The following OPN3 variants were observed in gnomAD, a reference collection of about 807,000 sequenced individuals.
The protein encoded by OPN3 is opsin 3.
OPN3 carries 29 observed loss-of-function variants against 33.8 expected under a neutral mutation model. The observed-to-expected ratio is 0.86, with a 90% confidence interval of 0.64 to 1.17. OPN3 has a LOEUF of 1.17. OPN3 is among the 50% of genes most tolerant of loss of function. OPN3 has a pLI of 0.00. For synonymous variants in OPN3, 216 were observed against 216.1 expected (o/e 1.00, Z 0.00); for missense variants, 437 against 514.1 (o/e 0.85, Z 1.45).
chr1:241,635,279 G>T, intron 1 of OPN3: 2 of 1,613,728 alleles, frequency 1.2e-6, no homozygotes, highest in Non-Finnish European at 8.5e-7. Flanking sequence ...TGAAATCTCT[G>T]TATCACTTTT....
At chr1:241,639,836 G>A (rs1482148388) in intron 1 of OPN3, 46 bp downstream of exon 1, 7 of 1,440,872 alleles carry the variant, frequency 4.9e-6, no homozygotes, top group Non-Finnish European at 6.4e-6. Flanking sequence ...GGGGTGGGGA[G>A]TGGAAGTTTG....
intron 1 of OPN3, chr1:241,633,377 G>T: frequency 6.1e-6 from 1 of 164,942 alleles, no homozygotes. Context: ...TTCACTATTC[G>T]AACAGGCCGC....
At chr1:241,608,534 T>C (rs1178819657) in intron 1 of OPN3, among the ~76,000 whole-genome samples, 1 of 152,104 alleles carries the variant, frequency 6.6e-6, no homozygotes, top group Non-Finnish European at 1.5e-5. Flanking sequence ...ATGTGAGGCA[T>C]GGTGGGAAGG....
At position 241,634,209 on chromosome 1, in the gene OPN3, C is replaced by T. The variant is rs1664774087; in HGVS notation, c.373+5673G>A. On this transcript the variant is annotated intron_variant, in intron 1 of 3. Transcript: ENST00000366554. ...TTCTTCACCACTGATTCTAAGTCTT[C>T]TCTTGCTGTTTTAGAAGATGAACAT... is the stretch of plus-strand genomic sequence containing the variant. 5 of 1,613,994 alleles carry T rather than the reference C, an allele frequency of 3.1e-6. No individual in the cohort carries two copies. In the East Asian group the frequency reaches 8.9e-5, roughly 29 times the overall value.
chr1:241,598,340 A>C (rs949517889), intron 2 of OPN3, among the ~76,000 whole-genome samples: 28 of 152,292 alleles, frequency 1.8e-4, no homozygotes, highest in African/African-American at 6.7e-4. Context: ...GAGTCACGAT[A>C]AAATGCAAAG....
Position 241,594,717 on chromosome 1 carries a change from ATAT to A in OPN3, c.946-29_946-27del, listed in dbSNP as rs764230322. ...CTGGGCAGAGAAAAAATAAAGTGGA[ATAT>A]TAAGTAAAAGTTGGGCACTAATCTG... On this transcript the variant is annotated intron_variant, in intron 3 of 3. Coordinates refer to ENST00000366554, the MANE Select transcript of OPN3 (RefSeq NM_014322.3). 6 of 1,601,790 alleles carry A rather than the reference ATAT, an allele frequency of 3.7e-6. No homozygotes were observed. The South Asian group carries it at 4.5e-5, about 12-fold the overall frequency.
rs1231017343 is a variant in OPN3, at chr1:241,612,336, A to T, written c.374-7757T>A. ...TCTCAAATTAATGAAAATTTTGCTC[A>T]CTCAAAAATATATCAATTTGTAGAA... is the stretch of plus-strand genomic sequence containing the variant. On this transcript the variant is annotated intron_variant, in intron 1 of 3. Coordinates refer to ENST00000366554, the MANE Select transcript of OPN3 (RefSeq NM_014322.3). Among the ~76,000 whole-genome samples the T allele has an allele frequency of 2.6e-5, 4 of 152,230 alleles. No individual in the cohort carries two copies. The East Asian group carries it at 7.7e-4, about 29-fold the overall frequency.
intron 1 of OPN3, among the ~76,000 whole-genome samples, chr1:241,626,013 T>G (rs1664411124): frequency 6.6e-6 from 1 of 152,204 alleles, no homozygotes; most frequent in Non-Finnish European, 1.5e-5. Flanking sequence ...AATCACTGCC[T>G]TAATGGGAGA....
intron 1 of OPN3, chr1:241,634,617 C>T (rs1349935931): frequency 1.2e-6 from 2 of 1,613,928 alleles, no homozygotes; most frequent in South Asian, 1.1e-5. Flanking sequence ...TGGGGAATTT[C>T]TCCTTGGCCA....
chr1:241,622,627 T>C (rs994793338), intron 1 of OPN3, among the ~76,000 whole-genome samples: 1 of 152,200 alleles, frequency 6.6e-6, no homozygotes, highest in Non-Finnish European at 1.5e-5. Context: ...TTTAAAACCA[T>C]TGTTCTAGAA....
At position 241,635,365 on chromosome 1, in the gene OPN3, A is replaced by C. The variant is rs1025162960; in HGVS notation, c.373+4517T>G. 5.0e-6 allele frequency: 8 copies of C among 1,613,970 alleles called. No individual in the cohort carries two copies. In the African/African-American group the frequency reaches 1.1e-4, roughly 22 times the overall value. On this transcript the variant is annotated intron_variant, in intron 1 of 3. Transcript: ENST00000366554. ...TTTCTTCAGGTAATGCAGAATCCAGAACTTCAGTGAAGGTATTAGACACCC... is the reference window on the plus strand; with the variant it reads ...TTTCTTCAGGTAATGCAGAATCCAGCACTTCAGTGAAGGTATTAGACACCC...
At chr1:241,619,897 T>C (rs1209620186) in intron 1 of OPN3, among the ~76,000 whole-genome samples, 1 of 152,220 alleles carries the variant, frequency 6.6e-6, no homozygotes, top group East Asian at 1.9e-4. Context: ...CTCTAACGTA[T>C]AGGGCCCTGA....
intron 1 of OPN3, 130 bp downstream of exon 1, chr1:241,639,752 T>C: frequency 1.1e-6 from 1 of 875,842 alleles, no homozygotes; most frequent in Non-Finnish European, 1.5e-6. Context: ...CGGGGCGGTG[T>C]AGGGCGGGGG....
intron 1 of OPN3, among the ~76,000 whole-genome samples, chr1:241,611,951 G>A (rs558871563): frequency 1.6e-3 from 239 of 152,298 alleles, no homozygotes; most frequent in Non-Finnish European, 1.9e-3. Context: ...AGTGGCACTA[G>A]GGAAGGAGAG....
In OPN3 at chr1:241,602,831, T is replaced by C. The variant is rs75662372; in HGVS notation, c.693+1429A>G. 8.0e-3 allele frequency among the ~76,000 whole-genome samples: 1,217 copies of C among 152,256 alleles called. 15 individuals are homozygous for C. Among genetic ancestry groups the C allele is most frequent in the African/African-American group, 0.027 (1,136 of 41,544 alleles). Reference sequence around the variant, plus strand: ...GGTGGTTAGAGATTCCACGTAGGAATCTGAGAGGGACACAAACATTCAGTC... The same window carrying C: ...GGTGGTTAGAGATTCCACGTAGGAACCTGAGAGGGACACAAACATTCAGTC... On this transcript the variant is annotated intron_variant, in intron 2 of 3. Coordinates refer to ENST00000366554, the MANE Select transcript of OPN3 (RefSeq NM_014322.3).
chr1:241,617,190 C>CT (rs1412010571), intron 1 of OPN3, among the ~76,000 whole-genome samples: 6 of 152,200 alleles, frequency 3.9e-5, no homozygotes, highest in Admixed American at 3.9e-4. Flanking sequence ...GGTCACAAGA[C>CT]TAGGAAGGTT....
chr1:241,594,259 G>A lies in OPN3; in HGVS notation c.*169C>T. The A allele has an allele frequency of 1.5e-6, 1 of 674,334 alleles. No homozygotes were observed. Among genetic ancestry groups the A allele is most frequent in the South Asian group, 2.6e-5 (1 of 38,800 alleles). The allele number at this position is 674,334 out of a possible 1,614,324, so 41.8% of individuals were successfully genotyped here. A position where few individuals can be genotyped will look rare whatever the true frequency, so the allele number is the denominator to read the frequency against. On this transcript the variant is annotated 3_prime_UTR_variant, in exon 4 of 4. Transcript: ENST00000366554. ...CGTTGAATTAAAAGAATTTGTTTTT[G>A]TTCAACCTCTTCCTGAGGCCCAAGA... is the stretch of plus-strand genomic sequence containing the variant.
At position 241,604,285 on chromosome 1, in the gene OPN3, C is replaced by A. The variant is rs944069429; in HGVS notation, c.668G>T (p.Gly223Val). The A allele has an allele frequency of 1.9e-6, 3 of 1,613,756 alleles. No homozygotes were observed. Among genetic ancestry groups the A allele is most frequent in the Non-Finnish European group, 2.5e-6 (3 of 1,179,728 alleles). Residue 223 changes from glycine (G) to valine (V), a missense_variant, in exon 2 of 4, where the codon GGC becomes GTC. Gly to Val is a moderately radical substitution (Grantham distance 109). Transcript: ENST00000366554. ...VPLGVIAHCY[G>V]HILYSIRMLR... ...CATTCGAATGGAATATAGAATATGG[C>A]CATAGCAATGGGCTATGACACCCAG...
rs939838166 is a variant in OPN3 at position 241,640,355 on chromosome 1, T to A, written c.-101A>T. Reference sequence around the variant, plus strand: ...GGGGTTGGGGCTCCGCCGCCTGCTCTAGCCATTGTGCACTGAGGGGCCCGC... The same window carrying A: ...GGGGTTGGGGCTCCGCCGCCTGCTCAAGCCATTGTGCACTGAGGGGCCCGC... On this transcript the variant is annotated 5_prime_UTR_variant, in exon 1 of 4. It introduces an in-frame stop codon into an upstream open reading frame of the 5' UTR. Transcript: ENST00000366554. The A allele has an allele frequency of 4.7e-6, 5 of 1,055,552 alleles. No individual in the cohort carries two copies. The African/African-American group carries it at 6.8e-5, about 14-fold the overall frequency. 65.4% of individuals were successfully genotyped at this position (1,055,552 alleles called of 1,614,324 possible).
Sources: allele counts gnomAD v4.1 joint callset (sites outside exome capture counted in the v4.1 genomes callset), GRCh38; gene constraint gnomAD v4.1.1; transcripts MANE v1.5; gene names NCBI Gene and HGNC (gene_info 2026-07-23, HGNC 2026-07-21).